The following LAYN variants were observed in gnomAD, a reference collection of about 807,000 sequenced individuals.
LAYN encodes layilin.
A neutral mutation model predicts 43.6 loss-of-function variants in LAYN; 38 were observed. The observed-to-expected ratio is 0.87, with a 90% CI of 0.67 to 1.14. LAYN has a LOEUF of 1.14. Among genes scored for constraint, LAYN ranks in the 50% most tolerant of loss-of-function variants. LAYN has a pLI of 0.00. For missense variants in LAYN, 479 were observed against 463.8 expected (o/e 1.03, Z -0.30); for synonymous variants, 168 against 172.9 (o/e 0.97, Z 0.22).
intron 3 of LAYN, among the ~76,000 whole-genome samples, chr11:111,550,136 T>TTGTAG (rs1867718123): frequency 6.6e-6 from 1 of 152,256 alleles, no homozygotes; most frequent in Non-Finnish European, 1.5e-5. Context: ...TAGAATAAGC[T>TTGTAG]GGCCATTGCT....
intron 5 of LAYN, among the ~76,000 whole-genome samples, 167 bp downstream of exon 5, chr11:111,555,457 A>G (rs1275197402): frequency 1.3e-5 from 2 of 152,206 alleles, no homozygotes. Flanking sequence ...GGTTTCATCA[A>G]TGAAATATGC....
Position 111,544,116 on chromosome 11 carries a change from T to C in LAYN, c.279T>C (p.Asp93=). ...EKFIENLLPS[D]GDFWIGLRRR... ...TCATTGAAAACCTCTTGCCATCTGATGGTGACTTCTGGATTGGGCTCAGGA... is the reference window on the plus strand; with the variant it reads ...TCATTGAAAACCTCTTGCCATCTGACGGTGACTTCTGGATTGGGCTCAGGA... The change falls in exon 2 of 7, where the codon GAT becomes GAC. Residue 93 remains aspartate (D), a synonymous_variant. Transcript: ENST00000375614. 6.2e-7 allele frequency: 1 copy of C among 1,614,188 alleles called. No homozygotes were observed. Among genetic ancestry groups the C allele is most frequent in the Non-Finnish European group, 8.5e-7 (1 of 1,180,030 alleles).
At chr11:111,550,408 A>G (rs1014167540) in intron 3 of LAYN, among the ~76,000 whole-genome samples, 31 of 152,196 alleles carry the variant, frequency 2.0e-4, no homozygotes, top group African/African-American at 6.8e-4. Context: ...AGACTTCTCC[A>G]TTATAACTGA....
chr11:111,557,597 C>T lies in LAYN; in HGVS notation c.715C>T (p.Leu239Phe), dbSNP rs1471331208. The T allele has an allele frequency of 6.2e-7, 1 of 1,614,172 alleles. No individual in the cohort carries two copies. The highest frequency in any genetic ancestry group is 2.2e-5 in the East Asian group (1 of 44,882). The change falls in exon 6 of 7, where the codon CTT (leucine) becomes TTT (phenylalanine). Residue 239 changes from leucine to phenylalanine, a missense_variant. Coordinates refer to ENST00000375614, the MANE Select transcript of LAYN (RefSeq NM_178834.5). Reference sequence around the variant, plus strand: ...CCCCAGCATTCCCCTTCTCCTCCTCCTTGTGGTCACCACAGTTGTATGTTG... The same window carrying T: ...CCCCAGCATTCCCCTTCTCCTCCTCTTTGTGGTCACCACAGTTGTATGTTG... ...LIPSIPLLLL[L>F]VVTTVVCWVW...
chr11:111,557,298 A>G (rs540876637), intron 5 of LAYN, among the ~76,000 whole-genome samples: 2 of 152,344 alleles, frequency 1.3e-5, no homozygotes, highest in Admixed American at 1.3e-4. Flanking sequence ...ATGCTCATCC[A>G]TCGAAACCAG....
chr11:111,552,006 G>A (rs1591568259), intron 3 of LAYN, among the ~76,000 whole-genome samples: 1 of 9,566 alleles, frequency 1.0e-4, no homozygotes, highest in East Asian at 0.12. Flanking sequence ...GTATGTGTAT[G>A]TGTGTGTGTA....
At position 111,549,726 on chromosome 11, in the gene LAYN, T is replaced by G; in HGVS notation, c.492T>G (p.Asn164Lys). 1 of 1,607,766 alleles carries G rather than the reference T, an allele frequency of 6.2e-7. No homozygotes were observed. The highest frequency in any genetic ancestry group is 8.5e-7 in the Non-Finnish European group (1 of 1,177,640). The part of the protein sequence containing the change: ...GIGGPYMFQW[N>K]DDRCNMKNNF... ...GAGGCCCCTACATGTTCCAGTGGAA[T>G]GATGACCGGTGCAACATGAAGAACA... is the stretch of plus-strand genomic sequence containing the variant. Residue 164 changes from asparagine to lysine, a missense_variant, in exon 3 of 7, where the codon AAT (asparagine) becomes AAG (lysine). Transcript: ENST00000375614.
Position 111,560,654 on chromosome 11 carries a change from C to T in LAYN, c.*196C>T, listed in dbSNP as rs1867940523. 1.7e-6 allele frequency: 1 copy of T among 595,664 alleles called. No homozygotes were observed. Among genetic ancestry groups the T allele is most frequent in the Non-Finnish European group, 2.9e-6 (1 of 344,780 alleles). The allele number at this position is 595,664 out of a possible 1,614,324, so 36.9% of individuals were successfully genotyped here. ...TCCTTTATCCCAGCCAGTCATCCAG[C>T]TCGACCTTATGAGAAGGTACCTTGC... On this transcript the variant is annotated 3_prime_UTR_variant, in exon 7 of 7. Coordinates refer to ENST00000375614, the MANE Select transcript of LAYN (RefSeq NM_178834.5).
At position 111,560,945 on chromosome 11, in the gene LAYN, A is replaced by C. The variant is rs1867946167; in HGVS notation, c.*487A>C. ...TTTTTTTCAAAGAATAATAAAATCA[A>C]ATAAAGAGCAGGAAACAGAGTGTTA... On this transcript the variant is annotated 3_prime_UTR_variant, in exon 7 of 7. Coordinates refer to ENST00000375614, the MANE Select transcript of LAYN (RefSeq NM_178834.5). The C allele has an allele frequency of 6.5e-6, 1 of 154,090 alleles. No individual in the cohort carries two copies. Among genetic ancestry groups the C allele is most frequent in the Non-Finnish European group, 1.4e-5 (1 of 69,056 alleles). 9.5% of individuals were successfully genotyped at this position (154,090 alleles called of 1,614,324 possible).
At chr11:111,550,326 A>G (rs930764566) in intron 3 of LAYN, among the ~76,000 whole-genome samples, 9 of 152,358 alleles carry the variant, frequency 5.9e-5, no homozygotes, top group African/African-American at 1.9e-4. Context: ...AATTCAACTT[A>G]CGTTTGCTTC....
chr11:111,561,349 G>C lies in LAYN; in HGVS notation c.*891G>C, dbSNP rs765262092. 62 of 152,336 alleles carry C rather than the reference G, an allele frequency of 4.1e-4. No homozygotes were observed. Among genetic ancestry groups the C allele is most frequent in the African/African-American group, 1.4e-3 (58 of 41,574 alleles). The allele number at this position is 152,336 out of a possible 1,614,324, so 9.4% of individuals were successfully genotyped here. On this transcript the variant is annotated 3_prime_UTR_variant, in exon 7 of 7. Coordinates refer to ENST00000375614, the MANE Select transcript of LAYN (RefSeq NM_178834.5). ...CTCTCCTGCGTGGGCAACAGAATGA[G>C]ACCCTGTCTCTAAACAAAAATATTT...
Position 111,540,948 on chromosome 11 carries a change from C to A in LAYN, c.85+20C>A. ...TGAGTGGTGAGTGCGCGCGCTGGGG[C>A]GGGGGCTGGTGCCGGGGTGGGCTCA... On this transcript the variant is annotated intron_variant, in intron 1 of 6. Transcript: ENST00000375614. The A allele has an allele frequency of 7.4e-7, 1 of 1,357,942 alleles. No individual in the cohort carries two copies. The highest frequency in any genetic ancestry group is 1.3e-5 in the South Asian group (1 of 79,596). 84.1% of individuals were successfully genotyped at this position (1,357,942 alleles called of 1,614,324 possible). A position where few individuals can be genotyped will look rare whatever the true frequency, so the allele number is the denominator to read the frequency against.
chr11:111,544,166 G>C lies in LAYN; in HGVS notation c.329G>C (p.Ser110Thr). ...LRRREEKQSN[S>T]TACQDLYAWT... Reference sequence around the variant, plus strand: ...AGGCGTGAGGAGAAACAAAGCAATAGCACAGCCTGCCAGGACCTTTATGCT... The same window carrying C: ...AGGCGTGAGGAGAAACAAAGCAATACCACAGCCTGCCAGGACCTTTATGCT... Residue 110 changes from serine (S) to threonine (T), a missense_variant, in exon 2 of 7, where the codon AGC (serine) becomes ACC (threonine). Physicochemically the swap from Ser to Thr is moderately conservative, Grantham distance 58. Transcript: ENST00000375614. The C allele has an allele frequency of 6.2e-7, 1 of 1,614,186 alleles. No homozygotes were observed. The highest frequency in any genetic ancestry group is 8.5e-7 in the Non-Finnish European group (1 of 1,180,040).
chr11:111,559,686 T>C (rs192517677), intron 6 of LAYN, among the ~76,000 whole-genome samples: 60 of 152,178 alleles, frequency 3.9e-4, no homozygotes, highest in African/African-American at 1.4e-3. Context: ...CTCAAACTCC[T>C]GGGCTCAAGT....
chr11:111,551,584 T>A (rs1452610438), intron 3 of LAYN, among the ~76,000 whole-genome samples: 3 of 152,118 alleles, frequency 2.0e-5, no homozygotes, highest in Non-Finnish European at 4.4e-5. Flanking sequence ...CCACTTTAAC[T>A]CCTCTCCTCA....
In LAYN at chr11:111,560,146, C is replaced by A. The variant is rs546385649; in HGVS notation, c.813C>A (p.Pro271=). ...PSTKKQHTIW[P]SPHQGNSPDL... ...CAAAGAAGCAACACACCATCTGGCC[C>A]TCTCCTCACCAGGGAAACAGCCCGG... The change falls in exon 7 of 7, where the codon CCC becomes CCA. Residue 271 remains proline, a synonymous_variant. Transcript: ENST00000375614. 1 of 1,614,150 alleles carries A rather than the reference C, an allele frequency of 6.2e-7. No homozygotes were observed. The highest frequency in any genetic ancestry group is 1.1e-5 in the South Asian group (1 of 91,074).
chr11:111,555,595 G>A (rs932297396), intron 5 of LAYN, among the ~76,000 whole-genome samples: 1 of 152,186 alleles, frequency 6.6e-6, no homozygotes, highest in Non-Finnish European at 1.5e-5. Flanking sequence ...GAGAGAAAAT[G>A]TAGAGAAATA....
At chr11:111,560,029 G>A in intron 6 of LAYN, 66 bp from the exon 7 acceptor site, 1 of 1,518,566 alleles carries the variant, frequency 6.6e-7, no homozygotes, top group Non-Finnish European at 8.8e-7. Flanking sequence ...CGTCTCAACA[G>A]GAAGCACAAG....
chr11:111,558,527 C>A lies in LAYN; in HGVS notation c.761+884C>A, dbSNP rs1340971541. On this transcript the variant is annotated intron_variant, in intron 6 of 6. Transcript: ENST00000375614. Reference sequence around the variant, plus strand: ...ATTTTATTAGTTATTTCCTTTGAATCTTAAAGTAGAATTTAGTTCAAAAAA... The same window carrying A: ...ATTTTATTAGTTATTTCCTTTGAATATTAAAGTAGAATTTAGTTCAAAAAA... Among the ~76,000 whole-genome samples, 4 of 151,940 alleles carry A rather than the reference C, an allele frequency of 2.6e-5. 1 individual carries two copies. Among genetic ancestry groups the A allele is most frequent in the South Asian group, 4.2e-4 (2 of 4,804 alleles).
Sources: allele counts gnomAD v4.1 joint callset (sites outside exome capture counted in the v4.1 genomes callset), GRCh38; gene constraint gnomAD v4.1.1; transcripts MANE v1.5; gene names NCBI Gene and HGNC (gene_info 2026-07-23, HGNC 2026-07-21).